PBX3: variants seen among roughly 807,000 people sequenced by gnomAD.
PBX3 encodes PBX homeobox 3.
PBX3 carries 14 observed loss-of-function variants against 48.5 expected under a neutral mutation model. That is an observed-to-expected ratio of 0.29 (90% CI 0.19 to 0.45). The LOEUF (loss-of-function observed/expected upper bound fraction) is 0.45, where lower values mean the gene tolerates loss of function less well. Among genes scored for constraint, PBX3 ranks in the 20% least tolerant of loss-of-function variants. The probability of loss-of-function intolerance (pLI) is 1.00; values close to 1 mark genes in which losing one functional copy is unlikely to be tolerated. For missense variants in PBX3, 386 were observed against 546.7 expected, an observed-to-expected ratio of 0.71 and a Z score of 2.93; for synonymous variants, 210 against 200.3, an observed-to-expected ratio of 1.05 and a Z score of -0.41.
At chr9:125,885,526 G>A (rs1840477549) in intron 2 of PBX3, among the ~76,000 whole-genome samples, 1 of 152,082 alleles carries the variant, frequency 6.6e-6, no homozygotes, top group Non-Finnish European at 1.5e-5. Flanking sequence ...CTTGAAATAA[G>A]CAACACATTC....
chr9:125,845,309 A>G (rs1839399718), intron 2 of PBX3, among the ~76,000 whole-genome samples: 1 of 152,074 alleles, frequency 6.6e-6, no homozygotes, highest in Non-Finnish European at 1.5e-5. Flanking sequence ...GGCTTTGAAG[A>G]TAGTTTTCTT....
intron 5 of PBX3, among the ~76,000 whole-genome samples, chr9:125,944,860 T>G (rs1263948912): frequency 6.6e-6 from 1 of 152,108 alleles, no homozygotes; most frequent in Non-Finnish European, 1.5e-5. Flanking sequence ...GTTTATTAGC[T>G]CAGTGACCTT....
Position 125,747,568 on chromosome 9 carries a change from G to A in PBX3, c.115G>A (p.Gly39Ser), listed in dbSNP as rs142427880. The A allele has an allele frequency of 2.4e-5, 38 of 1,606,572 alleles. No individual in the cohort carries two copies. The highest frequency in any genetic ancestry group is 3.0e-5 in the Non-Finnish European group (35 of 1,176,784). The change falls in exon 1 of 9, where the codon GGC becomes AGC. Residue 39 changes from glycine (G) to serine (S), a missense_variant. By Grantham distance (56) the Gly-to-Ser change is moderately conservative. Around this residue, in one of 4 missense-constraint regions of PBX3, gnomAD observed 116 missense variants for 98.2 expected, o/e 1.18. Transcript: ENST00000373489. Reference sequence around the variant, plus strand: ...CCCGCACGGCCACGAAGGGGCGGACGGCGACGGCAGGAAGCAGGACATCGG... The same window carrying A: ...CCCGCACGGCCACGAAGGGGCGGACAGCGACGGCAGGAAGCAGGACATCGG... Reference protein sequence around the residue: ...PPPHGHEGADGDGRKQDIGDI... With the variant: ...PPPHGHEGADSDGRKQDIGDI...
intron 2 of PBX3, among the ~76,000 whole-genome samples, chr9:125,895,671 TAAA>T (rs903070167): frequency 6.6e-6 from 1 of 152,072 alleles, no homozygotes; most frequent in Non-Finnish European, 1.5e-5. Context: ...TTCTTAAACA[TAAA>T]AAGAAGAGCA....
intron 2 of PBX3, among the ~76,000 whole-genome samples, chr9:125,835,156 T>TACTACTTA (rs1564681393): frequency 6.6e-6 from 1 of 151,844 alleles, no homozygotes; most frequent in African/African-American, 2.4e-5. Context: ...AAATAACAAT[T>TACTACTTA]ACTACTTATT....
intron 2 of PBX3, among the ~76,000 whole-genome samples, chr9:125,912,349 G>A (rs1264950826): frequency 2.0e-5 from 3 of 152,112 alleles, no homozygotes; most frequent in African/African-American, 4.8e-5. Flanking sequence ...GAATTGTGAA[G>A]GGTATGCGTT....
intron 2 of PBX3, among the ~76,000 whole-genome samples, chr9:125,808,022 T>A (rs1372319703): frequency 6.6e-6 from 1 of 152,196 alleles, no homozygotes; most frequent in Admixed American, 6.5e-5. Context: ...GATAAACAGA[T>A]AGATTGGATT....
At chr9:125,959,125 A>G (rs949699444) in intron 5 of PBX3, among the ~76,000 whole-genome samples, 11 of 152,268 alleles carry the variant, frequency 7.2e-5, no homozygotes, top group African/African-American at 2.7e-4. Flanking sequence ...AATTGTTCAC[A>G]TTAAAATGAG....
chr9:125,957,555 A>C (rs1462304807), intron 5 of PBX3, among the ~76,000 whole-genome samples: 3 of 152,248 alleles, frequency 2.0e-5, no homozygotes, highest in Non-Finnish European at 4.4e-5. Context: ...TTACATATCT[A>C]GAGATGAGAC....
In PBX3 at chr9:125,906,275, A is replaced by G. The variant is rs552812443; in HGVS notation, c.275-9411A>G. Among the ~76,000 whole-genome samples, 57 of 152,134 alleles carry G rather than the reference A, an allele frequency of 3.7e-4. 1 individual carries two copies. The highest frequency in any genetic ancestry group is 6.8e-3 in the Middle Eastern group (2 of 294). ...ATAAAACTTTATGCTGTGCTGTTAC[A>G]TTGGAATGTACTGAGAATGCCAATG... On this transcript the variant is annotated intron_variant, in intron 2 of 8. Transcript: ENST00000373489.
chr9:125,931,005 A>G (rs1841701831), intron 4 of PBX3, among the ~76,000 whole-genome samples: 1 of 152,210 alleles, frequency 6.6e-6, no homozygotes, highest in South Asian at 2.1e-4. Flanking sequence ...AAAAATGCCA[A>G]GCTCACTATG....
intron 2 of PBX3, among the ~76,000 whole-genome samples, chr9:125,903,536 C>A (rs1363613013): frequency 6.6e-6 from 1 of 151,628 alleles, no homozygotes; most frequent in Admixed American, 6.6e-5. Context: ...GAAAAATACA[C>A]CTGATGATAA....
At chr9:125,890,292 A>G (rs534437854) in intron 2 of PBX3, among the ~76,000 whole-genome samples, 3 of 152,346 alleles carry the variant, frequency 2.0e-5, no homozygotes, top group East Asian at 3.9e-4. Flanking sequence ...AGCCTTCACC[A>G]TAAGTATGAA....
intron 2 of PBX3, among the ~76,000 whole-genome samples, chr9:125,804,917 A>AT (rs1564664362): frequency 1.4e-5 from 2 of 147,044 alleles, no homozygotes; most frequent in Non-Finnish European, 3.0e-5. Flanking sequence ...ACTGCACTCC[A>AT]GCCTGGGTGA....
intron 2 of PBX3, among the ~76,000 whole-genome samples, chr9:125,838,883 A>G (rs1839212658): frequency 6.6e-6 from 1 of 152,172 alleles, no homozygotes; most frequent in Non-Finnish European, 1.5e-5. Context: ...GGCTGAAAGG[A>G]GTGGATTTTT....
chr9:125,938,669 C>T (rs887615978), intron 5 of PBX3, among the ~76,000 whole-genome samples: 1 of 152,102 alleles, frequency 6.6e-6, no homozygotes, highest in Non-Finnish European at 1.5e-5. Context: ...GGGGAAGGAG[C>T]ATTGTTCTTT....
At chr9:125,818,464 A>G (rs1023481699) in intron 2 of PBX3, among the ~76,000 whole-genome samples, 8 of 151,676 alleles carry the variant, frequency 5.3e-5, no homozygotes, top group Non-Finnish European at 7.4e-5. Flanking sequence ...CCTCCTGAGT[A>G]GCTGGGATTG....
At chr9:125,950,719 T>C (rs1305676295) in intron 5 of PBX3, among the ~76,000 whole-genome samples, 2 of 152,140 alleles carry the variant, frequency 1.3e-5, no homozygotes, top group East Asian at 3.9e-4. Context: ...TGACCTCAGG[T>C]GATCCACCCA....
Position 125,750,224 on chromosome 9 carries a change from A to G in PBX3, c.274+1601A>G, listed in dbSNP as rs118069220. Among the ~76,000 whole-genome samples, 792 of 152,330 alleles carry G rather than the reference A, an allele frequency of 5.2e-3. 4 individuals are homozygous for G. Among genetic ancestry groups the G allele is most frequent in the South Asian group, 0.013 (65 of 4,834 alleles). On this transcript the variant is annotated intron_variant, in intron 2 of 8. Transcript: ENST00000373489. ...CTGGGGTATTGACTATGTTGTGAAT[A>G]TTAAGATTGATTCGACTTTATACAG...
Sources: gnomAD v4.1 joint callset for allele counts (sites outside exome capture counted in the v4.1 genomes callset) on GRCh38, gnomAD v4.1.1 for gene constraint, gnomAD v4.1.1 regional missense constraint, MANE v1.5 for transcripts, NCBI Gene and HGNC (gene_info 2026-07-23, HGNC 2026-07-21) for gene names.